Variants in POP1 observed in about 807,000 individuals in gnomAD.
The protein encoded by POP1 is ribonucleases P/MRP protein subunit POP1.
POP1 carries 75 observed loss-of-function variants against 102.2 expected under a neutral mutation model. The observed-to-expected ratio is 0.73, with a 90% CI of 0.61 to 0.89. The LOEUF is 0.89. Among genes scored for constraint, POP1 ranks in the 40% least tolerant of loss-of-function variants. The probability of loss-of-function intolerance (pLI) is 0.00; values close to 1 mark genes in which losing one functional copy is unlikely to be tolerated. For missense variants in POP1, 1,116 were observed against 1,267.4 expected (o/e 0.88, Z 1.81); for synonymous variants, 436 against 464.1 (o/e 0.94, Z 0.78).
At chr8:98,131,298 T>G (rs1196480905) in intron 5 of POP1, among the ~76,000 whole-genome samples, 1 of 152,198 alleles carries the variant, frequency 6.6e-6, no homozygotes, top group Non-Finnish European at 1.5e-5. Flanking sequence ...ACCATTCTAT[T>G]GTCTATCCAA....
chr8:98,147,459 G>C (rs1415514403), intron 12 of POP1, among the ~76,000 whole-genome samples: 1 of 152,200 alleles, frequency 6.6e-6, no homozygotes, highest in Non-Finnish European at 1.5e-5. Context: ...AGACACAAAT[G>C]GGGCTACAGC....
intron 7 of POP1, among the ~76,000 whole-genome samples, chr8:98,135,233 G>A (rs926976406): frequency 1.3e-5 from 2 of 151,710 alleles, no homozygotes; most frequent in African/African-American, 4.8e-5. Flanking sequence ...AGATGAAATC[G>A]TGCTATTGCA....
chr8:98,146,016 C>A (rs1816834274), intron 11 of POP1, among the ~76,000 whole-genome samples: 1 of 152,138 alleles, frequency 6.6e-6, no homozygotes, highest in Non-Finnish European at 1.5e-5. Flanking sequence ...ATGATGATAT[C>A]TGTTGGCTCA....
intron 14 of POP1, among the ~76,000 whole-genome samples, chr8:98,151,673 G>A (rs1490445000): frequency 5.3e-5 from 8 of 151,666 alleles, no homozygotes; most frequent in African/African-American, 2.4e-5. Context: ...CTTCATGAGG[G>A]CAGAATTGTG....
rs1816851899 is a variant in POP1, at chr8:98,146,655, G to A, written c.1682G>A (p.Ser561Asn). 4 of 1,612,902 alleles carry A rather than the reference G, an allele frequency of 2.5e-6. No individual in the cohort carries two copies. The highest frequency in any genetic ancestry group is 1.7e-6 in the Non-Finnish European group (2 of 1,179,038). ...ATCTGGAACCAAGATATCTGTAAGA[G>A]TGTCACAGAGAATAAAATCTCGGAT... ...SFIWNQDICK[S>N]VTENKISDQD... is the part of the protein sequence containing the mutation. Residue 561 changes from serine to asparagine, a missense_variant, in exon 12 of 16, where the codon AGT (serine) becomes AAT (asparagine). Physicochemically the swap from Ser to Asn is conservative, Grantham distance 46 (BLOSUM62 1). Transcript: ENST00000401707.
intron 11 of POP1, among the ~76,000 whole-genome samples, chr8:98,146,235 G>A (rs1816839272): frequency 6.6e-6 from 1 of 152,112 alleles, no homozygotes; most frequent in African/African-American, 2.4e-5. Context: ...CTGCCTTAAT[G>A]TGCCGTATTA....
At chr8:98,150,938 A>G (rs989148308) in intron 14 of POP1, among the ~76,000 whole-genome samples, 3 of 152,214 alleles carry the variant, frequency 2.0e-5, no homozygotes, top group Admixed American at 1.3e-4. Flanking sequence ...GATTTCTACT[A>G]CCAACCCGTG....
At chr8:98,131,592 C>G (rs1024885444) in intron 5 of POP1, among the ~76,000 whole-genome samples, 1 of 152,196 alleles carries the variant, frequency 6.6e-6, no homozygotes, top group Non-Finnish European at 1.5e-5. Flanking sequence ...ACAGTCCCTG[C>G]TTTCAGTCCT....
intron 2 of POP1, among the ~76,000 whole-genome samples, chr8:98,125,916 G>T (rs1816189759): frequency 6.6e-6 from 1 of 152,044 alleles, no homozygotes; most frequent in South Asian, 2.1e-4. Flanking sequence ...CACAATCGTG[G>T]CTCACTTCAA....
At chr8:98,156,014 T>G (rs199872226) in intron 14 of POP1, 36 bp from the exon 15 acceptor site, 3 of 1,606,366 alleles carry the variant, frequency 1.9e-6, no homozygotes, top group Non-Finnish European at 1.7e-6. Flanking sequence ...AATCCTAAAT[T>G]GTTCAACATT....
chr8:98,134,446 T>C (rs760767753), intron 6 of POP1, 26 bp from the exon 7 acceptor site: 24 of 1,612,804 alleles, frequency 1.5e-5, no homozygotes, highest in African/African-American at 1.5e-4. Flanking sequence ...CCCGGAATTA[T>C]GGAATTTTGC....
At chr8:98,133,632 A>G (rs894065099) in intron 5 of POP1, among the ~76,000 whole-genome samples, 2 of 152,250 alleles carry the variant, frequency 1.3e-5, no homozygotes, top group African/African-American at 4.8e-5. Flanking sequence ...GAACCTGTCT[A>G]TGAATATGGG....
intron 1 of POP1, among the ~76,000 whole-genome samples, chr8:98,121,859 A>AT (rs1049109841): frequency 6.6e-6 from 1 of 150,836 alleles, no homozygotes; most frequent in Non-Finnish European, 1.5e-5. Flanking sequence ...ATTTTTTTGT[A>AT]TTTTTTTAGT....
Position 98,130,005 on chromosome 8 carries a change from G to C in POP1, c.514G>C (p.Glu172Gln), listed in dbSNP as rs200780768. 1.9e-6 allele frequency: 3 copies of C among 1,613,984 alleles called. No homozygotes were observed. The highest frequency in any genetic ancestry group is 2.5e-6 in the Non-Finnish European group (3 of 1,179,928). Reference sequence around the variant, plus strand: ...GGAGAAAGCCGTACATCAGAAAAAAGAACATTCAAAAAATAAATGCCATAA... The same window carrying C: ...GGAGAAAGCCGTACATCAGAAAAAACAACATTCAAAAAATAAATGCCATAA... ...EAEKAVHQKK[E>Q]HSKNKCHKAR... The change falls in exon 5 of 16, where the codon GAA (glutamate) becomes CAA (glutamine). Residue 172 changes from glutamate (E) to glutamine (Q), a missense_variant. Transcript: ENST00000401707.
In POP1 at chr8:98,123,318, G is replaced by T; in HGVS notation, c.-2-18G>T. 1 of 1,611,106 alleles carries T rather than the reference G, an allele frequency of 6.2e-7. No individual in the cohort carries two copies. Among genetic ancestry groups the T allele is most frequent in the Non-Finnish European group, 8.5e-7 (1 of 1,177,966 alleles). Reference sequence around the variant, plus strand: ...GAAGTTTCCTTTCCCTGTATTAAATGTATTACTTCCTTTCCAGAAATGTCA... The same window carrying T: ...GAAGTTTCCTTTCCCTGTATTAAATTTATTACTTCCTTTCCAGAAATGTCA... On this transcript the variant is annotated intron_variant, in intron 1 of 15. Transcript: ENST00000401707.
Position 98,122,828 on chromosome 8 carries a change from G to A in POP1, c.-2-508G>A, listed in dbSNP as rs759539465. ...AACTGAATCAGTAAAAATAGGGGAT[G>A]TTGAGTTTGAGAGTTGGGAACTACT... On this transcript the variant is annotated intron_variant, in intron 1 of 15. Coordinates refer to ENST00000401707, the MANE Select transcript of POP1 (RefSeq NM_001145860.2). Among the ~76,000 whole-genome samples, 23 of 152,314 alleles carry A rather than the reference G, an allele frequency of 1.5e-4. No homozygotes were observed. In the Middle Eastern group the frequency reaches 0.01, roughly 68 times the overall value.
At chr8:98,147,591 G>T (rs967779402) in intron 12 of POP1, among the ~76,000 whole-genome samples, 9 of 152,156 alleles carry the variant, frequency 5.9e-5, no homozygotes, top group African/African-American at 2.2e-4. Flanking sequence ...TTGGAGATGG[G>T]GGGTGAGGAA....
chr8:98,156,004 A>C (rs745475727), intron 14 of POP1, 46 bp from the exon 15 acceptor site: 7 of 1,606,434 alleles, frequency 4.4e-6, no homozygotes, highest in Admixed American at 1.7e-5. Context: ...TTAGTTTTCC[A>C]ATCCTAAATT....
At chr8:98,154,306 A>G (rs1269502634) in intron 14 of POP1, among the ~76,000 whole-genome samples, 1 of 151,976 alleles carries the variant, frequency 6.6e-6, no homozygotes, top group Non-Finnish European at 1.5e-5. Flanking sequence ...TTTCCAGTGG[A>G]GGGAGTGGGG....
Sources: allele counts gnomAD v4.1 joint callset (sites outside exome capture counted in the v4.1 genomes callset), GRCh38; gene constraint gnomAD v4.1.1; transcripts MANE v1.5; gene names NCBI Gene and HGNC (gene_info 2026-07-23, HGNC 2026-07-21).